ASAP2: variants seen among roughly 807,000 people sequenced by gnomAD.
ASAP2 encodes ArfGAP with SH3 domain, ankyrin repeat and PH domain 2.
In ASAP2, 45 loss-of-function variants were observed where a neutral mutation model predicts 131.4. That is an observed-to-expected ratio of 0.34 (90% CI 0.27 to 0.44). The LOEUF (loss-of-function observed/expected upper bound fraction) is 0.44, where lower values mean the gene tolerates loss of function less well. Among genes scored for constraint, ASAP2 ranks in the 20% least tolerant of loss-of-function variants. The probability of loss-of-function intolerance (pLI) is 1.00; values close to 1 mark genes in which losing one functional copy is unlikely to be tolerated. For missense variants in ASAP2, 1,011 were observed against 1,297.0 expected (o/e 0.78, Z 3.39); for synonymous variants, 510 against 503.0 (o/e 1.01, Z -0.19).
intron 23 of ASAP2, among the ~76,000 whole-genome samples, chr2:9,391,425 C>T (rs991994119): frequency 6.6e-6 from 1 of 152,154 alleles, no homozygotes; most frequent in African/African-American, 2.4e-5. Context: ...TTCCTCACTC[C>T]CTTCCTCTGT....
At chr2:9,357,397 C>T (rs189883375) in intron 14 of ASAP2, among the ~76,000 whole-genome samples, 4 of 151,988 alleles carry the variant, frequency 2.6e-5, no homozygotes, top group African/African-American at 4.8e-5. Context: ...GAGAATCACT[C>T]GAATCCAGGT....
At chr2:9,337,842 T>C (rs1198096188) in intron 9 of ASAP2, among the ~76,000 whole-genome samples, 1 of 152,252 alleles carries the variant, frequency 6.6e-6, no homozygotes, top group Non-Finnish European at 1.5e-5. Context: ...AATACTACTC[T>C]TTGGTATTTC....
At chr2:9,325,114 T>A (rs866046748) in intron 6 of ASAP2, among the ~76,000 whole-genome samples, 5 of 152,254 alleles carry the variant, frequency 3.3e-5, no homozygotes, top group South Asian at 2.1e-4. Flanking sequence ...ATAAAGCCTT[T>A]AATTAAACTT....
intron 3 of ASAP2, among the ~76,000 whole-genome samples, chr2:9,306,628 T>C (rs1263259882): frequency 1.3e-5 from 2 of 151,914 alleles, no homozygotes; most frequent in Non-Finnish European, 2.9e-5. Context: ...GGAGATCCTG[T>C]GCCCCTTTGT....
In ASAP2 at chr2:9,298,294, C is replaced by T. The variant is rs1011131074; in HGVS notation, c.345+849C>T. Among the ~76,000 whole-genome samples the T allele has an allele frequency of 9.2e-5, 14 of 152,142 alleles. 1 individual carries two copies. The highest frequency in any genetic ancestry group is 3.4e-4 in the African/African-American group (14 of 41,420). The stretch of plus-strand genomic sequence containing the variant: ...AACAAGTGAAAAACATAGCTCATTC[C>T]TGAGATGGTGATGACAGTGGTTTTG... On this transcript the variant is annotated intron_variant, in intron 3 of 27. Transcript: ENST00000281419.
intron 1 of ASAP2, among the ~76,000 whole-genome samples, chr2:9,237,758 CT>C (rs1205780001): frequency 6.6e-6 from 1 of 152,080 alleles, no homozygotes. Flanking sequence ...GACCAGGAGA[CT>C]GAGTCTTTTC....
At chr2:9,374,305 C>G (rs1438566459) in intron 16 of ASAP2, among the ~76,000 whole-genome samples, 1 of 152,204 alleles carries the variant, frequency 6.6e-6, no homozygotes, top group Non-Finnish European at 1.5e-5. Flanking sequence ...ATGGGCCTGT[C>G]GGGCAGTGAG....
At chr2:9,355,383 C>T (rs866046979) in intron 12 of ASAP2, among the ~76,000 whole-genome samples, 4 of 152,248 alleles carry the variant, frequency 2.6e-5, no homozygotes, top group Admixed American at 1.3e-4. Flanking sequence ...CTAGTGTTTT[C>T]TCATGAGTGG....
chr2:9,258,084 T>C (rs1665290317), intron 1 of ASAP2, among the ~76,000 whole-genome samples: 1 of 152,178 alleles, frequency 6.6e-6, no homozygotes, highest in Non-Finnish European at 1.5e-5. Flanking sequence ...ATTTGTACCC[T>C]GACTTTGGGG....
In ASAP2 at chr2:9,356,240, G is replaced by A; in HGVS notation, c.1222G>A (p.Asp408Asn). 1 of 1,614,094 alleles carries A rather than the reference G, an allele frequency of 6.2e-7. No individual in the cohort carries two copies. Among genetic ancestry groups the A allele is most frequent in the Non-Finnish European group, 8.5e-7 (1 of 1,179,980 alleles). Residue 408 changes from aspartate to asparagine, a missense_variant, in exon 14 of 28, where the codon GAC becomes AAC. By Grantham distance (23) the Asp-to-Asn change is conservative (BLOSUM62 1). Transcript: ENST00000281419. The part of the protein sequence containing the change: ...EALNNAFKGD[D>N]NTGENNIVQE... ...TTTAAACAATGCATTTAAGGGGGAT[G>A]ACAATACTGGAGAAAATAACATCGT...
chr2:9,326,859 C>G (rs1004409644), intron 6 of ASAP2, among the ~76,000 whole-genome samples: 4 of 152,154 alleles, frequency 2.6e-5, no homozygotes, highest in African/African-American at 7.2e-5. Flanking sequence ...AGCAGTGTAT[C>G]TTCTTTTCTG....
intron 11 of ASAP2, among the ~76,000 whole-genome samples, chr2:9,350,092 G>C (rs1230150821): frequency 6.6e-6 from 1 of 152,112 alleles, no homozygotes; most frequent in Non-Finnish European, 1.5e-5. Flanking sequence ...CTTACCCTCA[G>C]TCCTTTGCTT....
intron 3 of ASAP2, among the ~76,000 whole-genome samples, chr2:9,300,046 A>G (rs181483174): frequency 1.7e-4 from 26 of 152,312 alleles, no homozygotes; most frequent in African/African-American, 4.8e-4. Flanking sequence ...AGCCTGGGCA[A>G]CATGGGGAAC....
At chr2:9,398,717 G>C (rs1312964590) in intron 24 of ASAP2, 2 of 151,876 alleles carry the variant, frequency 1.3e-5, no homozygotes, top group African/African-American at 4.9e-5. Flanking sequence ...GCTGAGGCAG[G>C]AGAATTGCTT....
chr2:9,388,213 T>C (rs967142319), intron 21 of ASAP2, 81 bp from the exon 22 acceptor site: 11 of 1,565,194 alleles, frequency 7.0e-6, no homozygotes, highest in Admixed American at 1.9e-5. Flanking sequence ...GTCAGTGAGG[T>C]TTTCACCCCT....
intron 1 of ASAP2, among the ~76,000 whole-genome samples, chr2:9,265,570 G>A (rs917570271): frequency 6.6e-6 from 1 of 151,884 alleles, no homozygotes; most frequent in African/African-American, 2.4e-5. Context: ...TTTAAAAGTG[G>A]GAAAACAAAA....
rs1667135560 is a variant in ASAP2 at position 9,281,673 on chromosome 2, A to G, written c.199+2284A>G. 6.6e-6 allele frequency among the ~76,000 whole-genome samples: 1 copy of G among 152,200 alleles called. No individual in the cohort carries two copies. Among genetic ancestry groups the G allele is most frequent in the Non-Finnish European group, 1.5e-5 (1 of 68,026 alleles). On this transcript the variant is annotated intron_variant, in intron 2 of 27. Transcript: ENST00000281419. The surrounding 1 kb of genome is among the most constrained non-coding windows in gnomAD (Gnocchi z 4.0). ...GAGAAGGAAGGCCTCTGTGGGCTTC[A>G]GAATTTTAGGGCAATTGGGATAAAG...
Position 9,315,347 on chromosome 2 carries a change from G to A in ASAP2, c.346-3177G>A, listed in dbSNP as rs80295949. ...TAGTCCTGAGAAGGAGCAGTGAGGC[G>A]CAGCCAAGGCAGTGGACGTGAGAAT... On this transcript the variant is annotated intron_variant, in intron 3 of 27. Coordinates refer to ENST00000281419, the MANE Select transcript of ASAP2 (RefSeq NM_003887.3). 3.8e-3 allele frequency among the ~76,000 whole-genome samples: 574 copies of A among 152,308 alleles called. 5 individuals carry two copies. Among genetic ancestry groups the A allele is most frequent in the African/African-American group, 0.013 (544 of 41,564 alleles).
In ASAP2 at chr2:9,395,594, C is replaced by CTTTTTTTTTTTTT; in HGVS notation, c.2684+1966_2684+1978dup. ...GTTTTGTTTTTCTTGTGTTTTTTTTCTTTTTTTTTTTTTTTTTTTTTTTTT... is the reference window on the plus strand; with the variant it reads ...GTTTTGTTTTTCTTGTGTTTTTTTTCTTTTTTTTTTTTTTTTTTTTTTTTTTTTTTTTTTTTTT... On this transcript the variant is annotated intron_variant, in intron 24 of 27. Coordinates refer to ENST00000281419, the MANE Select transcript of ASAP2 (RefSeq NM_003887.3). 2.5e-3 allele frequency among the ~76,000 whole-genome samples: 149 copies of CTTTTTTTTTTTTT among 59,072 alleles called. 14 individuals are homozygous for CTTTTTTTTTTTTT. The highest frequency in any genetic ancestry group is 4.2e-3 in the Non-Finnish European group (116 of 27,454). 38.8% of individuals were successfully genotyped at this position (59,072 alleles called of 152,430 possible). A position where few individuals can be genotyped will look rare whatever the true frequency, so the allele number is the denominator to read the frequency against.
Sources: gnomAD v4.1 joint callset for allele counts (sites outside exome capture counted in the v4.1 genomes callset) on GRCh38, gnomAD v4.1.1 for gene constraint, Gnocchi (gnomAD v3.1) non-coding constraint, MANE v1.5 for transcripts, NCBI Gene and HGNC (gene_info 2026-07-23, HGNC 2026-07-21) for gene names.